PCDH9: variants seen among roughly 807,000 people sequenced by gnomAD.
The protein encoded by PCDH9 is protocadherin 9, also known as protocadherin-9.
Under a neutral mutation model 70.6 loss-of-function variants are expected in PCDH9, and 24 were observed. That is an observed-to-expected ratio of 0.34 (90% CI 0.25 to 0.48). The LOEUF (loss-of-function observed/expected upper bound fraction) is 0.48, where lower values mean the gene tolerates loss of function less well. Ranked by LOEUF, PCDH9 falls within the 20% of genes least tolerant of loss-of-function variation. PCDH9 has a pLI of 0.99. For synonymous variants in PCDH9, 562 were observed against 558.5 expected, an observed-to-expected ratio of 1.01 and a Z score of -0.09; for missense variants, 1,281 against 1,503.6, an observed-to-expected ratio of 0.85 and a Z score of 2.45.
At chr13:66,479,183 G>C (rs1024677022) in intron 4 of PCDH9, among the ~76,000 whole-genome samples, 1 of 152,150 alleles carries the variant, frequency 6.6e-6, no homozygotes, top group Non-Finnish European at 1.5e-5. Flanking sequence ...ACTATTTCAA[G>C]CCCACCATTG....
At chr13:66,394,269 CAG>C (rs1478965042) in intron 4 of PCDH9, among the ~76,000 whole-genome samples, 2 of 152,114 alleles carry the variant, frequency 1.3e-5, no homozygotes, top group African/African-American at 4.8e-5. Context: ...AATATAAAGA[CAG>C]TACCATAGTT....
intron 3 of PCDH9, among the ~76,000 whole-genome samples, chr13:66,883,967 A>G (rs1177452457): frequency 7.0e-6 from 1 of 141,854 alleles, no homozygotes; most frequent in East Asian, 2.1e-4. Flanking sequence ...CAGTGGCACG[A>G]TCTTGGCTCA....
chr13:66,760,309 A>T (rs182173407), intron 3 of PCDH9, among the ~76,000 whole-genome samples: 11 of 151,988 alleles, frequency 7.2e-5, no homozygotes, highest in African/African-American at 2.4e-4. Flanking sequence ...AAAGTTTTTG[A>T]TTATAATATG....
At chr13:66,759,089 T>G (rs2079582232) in intron 3 of PCDH9, among the ~76,000 whole-genome samples, 1 of 152,030 alleles carries the variant, frequency 6.6e-6, no homozygotes, top group African/African-American at 2.4e-5. Flanking sequence ...CATTAATCTT[T>G]TCTATTTTTT....
chr13:66,419,064 C>A (rs907533114), intron 4 of PCDH9, among the ~76,000 whole-genome samples: 3 of 152,020 alleles, frequency 2.0e-5, no homozygotes, highest in African/African-American at 7.2e-5. Context: ...CTGAACAGAC[C>A]AGTAACAGGC....
chr13:67,127,970 G>T (rs979571676), intron 2 of PCDH9, among the ~76,000 whole-genome samples: 4 of 151,992 alleles, frequency 2.6e-5, no homozygotes, highest in Non-Finnish European at 4.4e-5. Flanking sequence ...GGCACTACTT[G>T]TTTTTGCCAT....
intron 3 of PCDH9, among the ~76,000 whole-genome samples, chr13:66,786,110 C>T (rs570871258): frequency 6.6e-6 from 1 of 152,148 alleles, no homozygotes; most frequent in African/African-American, 2.4e-5. Flanking sequence ...TCAATGTTCC[C>T]CTGGTTACAT....
chr13:66,754,055 CA>C (rs61101443), intron 3 of PCDH9, among the ~76,000 whole-genome samples: 2,225 of 151,890 alleles, frequency 0.015, 62 homozygotes, highest in African/African-American at 0.051. Flanking sequence ...TTTTTTATTT[CA>C]TTTTTTTATT....
chr13:66,493,620 T>C (rs1174910398), intron 4 of PCDH9, among the ~76,000 whole-genome samples: 1 of 152,130 alleles, frequency 6.6e-6, no homozygotes, highest in African/African-American at 2.4e-5. Flanking sequence ...ACCAAGGAGC[T>C]GCCATAACCA....
chr13:66,340,340 A>T (rs569385635), intron 4 of PCDH9, among the ~76,000 whole-genome samples: 1 of 152,166 alleles, frequency 6.6e-6, no homozygotes, highest in East Asian at 1.9e-4. Flanking sequence ...AGAACCTAAA[A>T]TTTTTTCTTG....
rs2082006725 is a variant in PCDH9, at chr13:66,886,507, C to T, written c.3138+16997G>A. Among the ~76,000 whole-genome samples, 3 of 152,088 alleles carry T rather than the reference C, an allele frequency of 2.0e-5. No individual in the cohort carries two copies. The South Asian group carries it at 6.2e-4, about 32-fold the overall frequency. On this transcript the variant is annotated intron_variant, in intron 3 of 4. Transcript: ENST00000377865. ...CTGAGGAGTTTGTGTTAGCCAGAGG[C>T]CACGAAAGCTGCCATCCACAGCTGA...
chr13:66,500,415 A>G (rs1244102046), intron 4 of PCDH9, among the ~76,000 whole-genome samples: 1 of 152,182 alleles, frequency 6.6e-6, no homozygotes, highest in Non-Finnish European at 1.5e-5. Flanking sequence ...AGGGGACATA[A>G]TATCAAGGAA....
At chr13:66,814,129 A>T (rs536110017) in intron 3 of PCDH9, among the ~76,000 whole-genome samples, 2 of 152,316 alleles carry the variant, frequency 1.3e-5, no homozygotes, top group African/African-American at 4.8e-5. Context: ...GTCAACACGT[A>T]ATATTTTATG....
At chr13:66,925,682 T>C (rs1594268097) in intron 2 of PCDH9, among the ~76,000 whole-genome samples, 2 of 151,898 alleles carry the variant, frequency 1.3e-5, no homozygotes, top group South Asian at 4.1e-4. Context: ...TGGCCACTTT[T>C]TAATGTATAT....
chr13:66,844,890 C>G (rs1013427207), intron 3 of PCDH9, among the ~76,000 whole-genome samples: 20 of 152,170 alleles, frequency 1.3e-4, no homozygotes, highest in African/African-American at 4.8e-4. Context: ...CCAAAAGCCA[C>G]GAGCATATTG....
At chr13:66,677,436 T>A (rs2078258629) in intron 3 of PCDH9, among the ~76,000 whole-genome samples, 1 of 152,108 alleles carries the variant, frequency 6.6e-6, no homozygotes, top group Non-Finnish European at 1.5e-5. Flanking sequence ...GCTGGTATAG[T>A]TTGGATATTT....
At chr13:66,501,186 T>C (rs913487112) in intron 4 of PCDH9, among the ~76,000 whole-genome samples, 4 of 152,268 alleles carry the variant, frequency 2.6e-5, no homozygotes, top group South Asian at 2.1e-4. Flanking sequence ...CTTATGAGTA[T>C]GTCATTTGAA....
At chr13:66,437,419 A>AAG (rs1401940373) in intron 4 of PCDH9, among the ~76,000 whole-genome samples, 2 of 148,722 alleles carry the variant, frequency 1.3e-5, no homozygotes, top group Non-Finnish European at 3.0e-5. Flanking sequence ...AAAAAAAAAA[A>AAG]AAAAAAAGGA....
chr13:66,954,693 G>A (rs1020082423), intron 2 of PCDH9, among the ~76,000 whole-genome samples: 4 of 152,186 alleles, frequency 2.6e-5, no homozygotes, highest in Admixed American at 2.6e-4. Flanking sequence ...AAAACAGCAT[G>A]CCCTCCCTCT....
Sources: gnomAD v4.1 joint callset for allele counts (sites outside exome capture counted in the v4.1 genomes callset) on GRCh38, gnomAD v4.1.1 for gene constraint, MANE v1.5 for transcripts, NCBI Gene and HGNC (gene_info 2026-07-23, HGNC 2026-07-21) for gene names.